MYO3B: variants seen among roughly 807,000 people sequenced by gnomAD.
The protein encoded by MYO3B is myosin-IIIb.
In MYO3B, 156 loss-of-function variants were observed where a neutral mutation model predicts 174.6. The observed-to-expected ratio is 0.89, with a 90% confidence interval of 0.78 to 1.02. MYO3B has a LOEUF of 1.02. Among genes scored for constraint, MYO3B ranks in the 50% least tolerant of loss-of-function variants. The pLI, the probability that MYO3B is intolerant of heterozygous loss-of-function variation, is 0.00. For synonymous variants in MYO3B, 563 were observed against 569.1 expected, an observed-to-expected ratio of 0.99 and a Z score of 0.15; for missense variants, 1,632 against 1,639.4, an observed-to-expected ratio of 1.00 and a Z score of 0.08.
chr2:170,324,803 G>A (rs1158208978), intron 7 of MYO3B, among the ~76,000 whole-genome samples: 1 of 152,232 alleles, frequency 6.6e-6, no homozygotes, highest in African/African-American at 2.4e-5. Flanking sequence ...GCAGGTTTCA[G>A]TGTGCTTTTT....
chr2:170,400,270 A>C lies in MYO3B; in HGVS notation c.1874A>C (p.Gln625Pro). ...TTCGCAGCTATTTCCTCTCAACATC[A>C]GACTGATAAAAGTGAGGTGCCCAAT... is the stretch of plus-strand genomic sequence containing the variant. ...IEFAAISSQH[Q>P]TDKSEVPNAE... Residue 625 changes from glutamine (Q) to proline (P), a missense_variant, in exon 17 of 35, where the codon CAG (glutamine) becomes CCG (proline). Transcript: ENST00000408978. 1 of 1,614,154 alleles carries C rather than the reference A, an allele frequency of 6.2e-7. No individual in the cohort carries two copies. Among genetic ancestry groups the C allele is most frequent in the Middle Eastern group, 1.6e-4 (1 of 6,062 alleles).
At chr2:170,615,223 T>C (rs1695378740) in intron 32 of MYO3B, among the ~76,000 whole-genome samples, 1 of 152,196 alleles carries the variant, frequency 6.6e-6, no homozygotes, top group Non-Finnish European at 1.5e-5. Flanking sequence ...CCACACATGT[T>C]TACTCAGTAC....
intron 32 of MYO3B, chr2:170,640,424 C>T (rs1373912961): frequency 6.6e-6 from 1 of 152,158 alleles, no homozygotes; most frequent in African/African-American, 2.4e-5. Flanking sequence ...AAGTGAAGGC[C>T]TCTAATAAGT....
chr2:170,251,804 C>T (rs1034105361), intron 7 of MYO3B, among the ~76,000 whole-genome samples: 1 of 152,156 alleles, frequency 6.6e-6, no homozygotes, highest in Non-Finnish European at 1.5e-5. Flanking sequence ...TGGTCCATTG[C>T]TCTGGAAAGG....
At position 170,583,080 on chromosome 2, in the gene MYO3B, C is replaced by G. The variant is rs76010366; in HGVS notation, c.3733+39092C>G. On this transcript the variant is annotated intron_variant, in intron 32 of 34. Transcript: ENST00000408978. ...CACCGCCTGACACCCCGCACACCCC[C>G]CACTGCAGCCCCTCCACCCCCTCCC... is the stretch of plus-strand genomic sequence containing the variant. 0.033 allele frequency among the ~76,000 whole-genome samples: 5,029 copies of G among 150,514 alleles called. 512 individuals carry two copies. In the East Asian group the frequency reaches 0.41, roughly 12 times the overall value.
intron 6 of MYO3B, among the ~76,000 whole-genome samples, chr2:170,231,189 G>T (rs2093012041): frequency 1.3e-5 from 2 of 152,216 alleles, no homozygotes. Context: ...TCCCTCTGTG[G>T]GGTAGGAGGG....
chr2:170,315,281 A>G (rs2093767311), intron 7 of MYO3B, among the ~76,000 whole-genome samples: 1 of 151,888 alleles, frequency 6.6e-6, no homozygotes, highest in Non-Finnish European at 1.5e-5. Context: ...CTGGAGAATT[A>G]GTGACAGTGA....
At position 170,610,340 on chromosome 2, in the gene MYO3B, C is replaced by CAAA. The variant is rs201605450; in HGVS notation, c.3734-41276_3734-41274dup. 1.5e-4 allele frequency among the ~76,000 whole-genome samples: 21 copies of CAAA among 139,460 alleles called. No individual in the cohort carries two copies. The East Asian group carries it at 1.6e-3, about 11-fold the overall frequency. The allele number at this position is 139,460 out of a possible 152,430, so 91.5% of individuals were successfully genotyped here. ...TGGGTGACAGAGCAAGACTTTGTCT[C>CAAA]AAAAAAAAAAAAAATTTTATTTCTA... On this transcript the variant is annotated intron_variant, in intron 32 of 34. Transcript: ENST00000408978.
At chr2:170,377,526 C>T (rs111284760) in intron 9 of MYO3B, among the ~76,000 whole-genome samples, 15 of 152,170 alleles carry the variant, frequency 9.9e-5, no homozygotes, top group Non-Finnish European at 2.2e-4. Context: ...CTACTTGATC[C>T]ATGGATTCAG....
chr2:170,461,466 CA>C (rs1178003357), intron 23 of MYO3B, among the ~76,000 whole-genome samples: 3,564 of 42,316 alleles, frequency 0.084, 80 homozygotes, highest in African/African-American at 0.21. Flanking sequence ...AACTCAGTCT[CA>C]AAAAAAAAAA....
intron 9 of MYO3B, among the ~76,000 whole-genome samples, chr2:170,373,882 T>C (rs66617221): frequency 0.046 from 6,937 of 150,990 alleles, 211 homozygotes; most frequent in South Asian, 0.075. Context: ...GATTGTGGAC[T>C]CCAGGGAATC....
intron 32 of MYO3B, among the ~76,000 whole-genome samples, chr2:170,589,699 A>C (rs546024088): frequency 6.6e-6 from 1 of 152,236 alleles, no homozygotes; most frequent in African/African-American, 2.4e-5. Context: ...TAAGTTTATA[A>C]GGTTAAAAAG....
chr2:170,553,414 T>C (rs1405458870), intron 32 of MYO3B, among the ~76,000 whole-genome samples: 1 of 152,204 alleles, frequency 6.6e-6, no homozygotes, highest in Non-Finnish European at 1.5e-5. Context: ...TTTGAACCTT[T>C]AAGATTTAAT....
intron 6 of MYO3B, among the ~76,000 whole-genome samples, chr2:170,223,730 A>C (rs1305609955): frequency 1.3e-5 from 2 of 152,224 alleles, no homozygotes. Flanking sequence ...ATACCTAAAA[A>C]ACTTTTTCTA....
At chr2:170,611,900 A>G (rs1695145476) in intron 32 of MYO3B, among the ~76,000 whole-genome samples, 1 of 152,228 alleles carries the variant, frequency 6.6e-6, no homozygotes, top group African/African-American at 2.4e-5. Flanking sequence ...TAGGAACTTC[A>G]CAGATCAATT....
rs556598308 is a variant in MYO3B at position 170,230,256 on chromosome 2, G to A, written c.604-5735G>A. Among the ~76,000 whole-genome samples, 18 of 141,380 alleles carry A rather than the reference G, an allele frequency of 1.3e-4. No homozygotes were observed. In the East Asian group the frequency reaches 3.6e-3, roughly 28 times the overall value. The allele number at this position is 141,380 out of a possible 152,430, so 92.8% of individuals were successfully genotyped here. A position where few individuals can be genotyped will look rare whatever the true frequency, so the allele number is the denominator to read the frequency against. ...GTGATCTTGGCTCACTGCAACCTCCGCCTCCCATGTTCAAGCAATTCTCTT... is the reference window on the plus strand; with the variant it reads ...GTGATCTTGGCTCACTGCAACCTCCACCTCCCATGTTCAAGCAATTCTCTT... On this transcript the variant is annotated intron_variant, in intron 6 of 34. Transcript: ENST00000408978.
At chr2:170,331,018 C>G (rs949245891) in intron 7 of MYO3B, among the ~76,000 whole-genome samples, 3 of 152,134 alleles carry the variant, frequency 2.0e-5, no homozygotes, top group Admixed American at 1.3e-4. Flanking sequence ...ACTATAGATA[C>G]ACATGAAACA....
In MYO3B at chr2:170,204,691, G is replaced by A. The variant is rs572377313; in HGVS notation, c.321+4407G>A. ...ACCACATTTCCTGAATGCTGAGGGC[G>A]TAGGGAGGAACTGCAGGAATGAAAA... On this transcript the variant is annotated intron_variant, in intron 3 of 34. Coordinates refer to ENST00000408978, the MANE Select transcript of MYO3B (RefSeq NM_138995.5). 2.6e-5 allele frequency among the ~76,000 whole-genome samples: 4 copies of A among 152,272 alleles called. No homozygotes were observed. In the South Asian group the frequency reaches 8.3e-4, roughly 32 times the overall value.
At position 170,225,780 on chromosome 2, in the gene MYO3B, A is replaced by C. The variant is rs545798951; in HGVS notation, c.603+8385A>C. 2.0e-4 allele frequency among the ~76,000 whole-genome samples: 30 copies of C among 152,334 alleles called. 1 individual carries two copies. In the South Asian group the frequency reaches 6.2e-3, roughly 32 times the overall value. The stretch of plus-strand genomic sequence containing the variant: ...ATTTCTGACTAGTAAAATGGGGAGA[A>C]GTTAAAAGAGGTAAAATGGGGAGAA... On this transcript the variant is annotated intron_variant, in intron 6 of 34. Coordinates refer to ENST00000408978, the MANE Select transcript of MYO3B (RefSeq NM_138995.5).
Sources: gnomAD v4.1 joint callset for allele counts (sites outside exome capture counted in the v4.1 genomes callset) on GRCh38, gnomAD v4.1.1 for gene constraint, MANE v1.5 for transcripts, NCBI Gene and HGNC (gene_info 2026-07-23, HGNC 2026-07-21) for gene names.